The following MALRD1 variants were observed in gnomAD, a reference collection of about 807,000 sequenced individuals.
The protein encoded by MALRD1 is MAM and LDL-receptor class A domain-containing protein 1.
A neutral mutation model predicts 242.1 loss-of-function variants in MALRD1; 247 were observed. The ratio of observed to expected loss-of-function variants is 1.02; its 90% CI spans 0.92 to 1.13. MALRD1 has a LOEUF of 1.13. Ranked by LOEUF, MALRD1 falls within the 50% of genes most tolerant of loss-of-function variation. The pLI, the probability that MALRD1 is intolerant of heterozygous loss-of-function variation, is 0.00. For missense variants in MALRD1, 2,989 were observed against 2,533.1 expected (o/e 1.18, Z -3.86); for synonymous variants, 995 against 866.6 (o/e 1.15, Z -2.60).
intron 14 of MALRD1, among the ~76,000 whole-genome samples, chr10:19,187,054 A>G (rs1015056996): frequency 6.6e-6 from 1 of 152,210 alleles, no homozygotes; most frequent in African/African-American, 2.4e-5. Flanking sequence ...AGAGACACCT[A>G]AAAGACCACA....
intron 14 of MALRD1, among the ~76,000 whole-genome samples, chr10:19,186,336 T>C (rs1835736303): frequency 1.3e-5 from 2 of 152,204 alleles, no homozygotes; most frequent in Admixed American, 1.3e-4. Flanking sequence ...TCATCATTTC[T>C]GTGGCATGAA....
chr10:19,303,501 A>G (rs895472273), intron 21 of MALRD1, among the ~76,000 whole-genome samples: 1 of 151,800 alleles, frequency 6.6e-6, no homozygotes, highest in African/African-American at 2.4e-5. Flanking sequence ...CAGTAAATAC[A>G]TAGAATTAAT....
chr10:19,395,644 C>T (rs1004986197), intron 28 of MALRD1, among the ~76,000 whole-genome samples: 1 of 152,128 alleles, frequency 6.6e-6, no homozygotes, highest in African/African-American at 2.4e-5. Context: ...ATTTTCTTTT[C>T]ACAAAGGTGT....
At chr10:19,701,957 ATAAACT>A (rs1046611957) in intron 38 of MALRD1, among the ~76,000 whole-genome samples, 23 of 151,914 alleles carry the variant, frequency 1.5e-4, no homozygotes, top group Admixed American at 2.6e-4. Context: ...GAGTTGGACA[ATAAACT>A]TAAACTTCTC....
intron 26 of MALRD1, among the ~76,000 whole-genome samples, chr10:19,366,757 C>T (rs181644035): frequency 3.9e-4 from 59 of 152,114 alleles, no homozygotes; most frequent in Admixed American, 2.0e-3. Context: ...CTTGTAAGTA[C>T]CTGGAACTTT....
intron 21 of MALRD1, among the ~76,000 whole-genome samples, chr10:19,309,969 G>T (rs1040807108): frequency 1.7e-4 from 26 of 151,450 alleles, no homozygotes; most frequent in African/African-American, 6.0e-4. Context: ...CCATCCAAAA[G>T]AAAAGGCTTT....
At chr10:19,572,754 A>G (rs1319742152) in intron 33 of MALRD1, among the ~76,000 whole-genome samples, 2 of 152,172 alleles carry the variant, frequency 1.3e-5, no homozygotes, top group Non-Finnish European at 2.9e-5. Flanking sequence ...AAGAGGAGAA[A>G]ACACACAGAG....
chr10:19,403,356 A>G (rs1157743616), intron 28 of MALRD1, among the ~76,000 whole-genome samples: 12 of 152,288 alleles, frequency 7.9e-5, no homozygotes, highest in Non-Finnish European at 1.5e-5. Context: ...TTTTGCCATT[A>G]AAAATTCCAT....
chr10:19,138,586 A>G (rs1019127120), intron 10 of MALRD1, among the ~76,000 whole-genome samples: 2 of 151,764 alleles, frequency 1.3e-5, no homozygotes, highest in African/African-American at 4.8e-5. Context: ...ATACCCAGAT[A>G]ATTTTTGTAT....
rs548562557 is a variant in MALRD1 at position 19,680,432 on chromosome 10, G to A, written c.6138-11850G>A. The stretch of plus-strand genomic sequence containing the variant: ...TTTTTGATCTTTGTTGGTTTAAAGT[G>A]TGTTTTGCCAGAAACTAGGATTGCA... On this transcript the variant is annotated intron_variant, in intron 36 of 39. Transcript: ENST00000454679. Among the ~76,000 whole-genome samples the A allele has an allele frequency of 5.3e-5, 8 of 152,128 alleles. No individual in the cohort carries two copies. In the South Asian group the frequency reaches 1.7e-3, roughly 32 times the overall value.
chr10:19,697,436 C>G (rs1266815219), intron 38 of MALRD1, among the ~76,000 whole-genome samples: 1 of 147,932 alleles, frequency 6.8e-6, no homozygotes, highest in Non-Finnish European at 1.5e-5. Context: ...TTAAAGTCAA[C>G]TGATTATAAA....
chr10:19,343,310 T>C (rs10827291), intron 24 of MALRD1, among the ~76,000 whole-genome samples: 83,461 of 151,852 alleles, frequency 0.55, 23,180 homozygotes, highest in Middle Eastern at 0.58. Context: ...GTACCCTTCA[T>C]GCATTTTTCC....
At chr10:19,671,455 TA>T (rs1298883453) in intron 36 of MALRD1, among the ~76,000 whole-genome samples, 1 of 151,944 alleles carries the variant, frequency 6.6e-6, no homozygotes, top group African/African-American at 2.4e-5. Context: ...TCATCTCTAC[TA>T]AAAATATAAA....
intron 29 of MALRD1, among the ~76,000 whole-genome samples, chr10:19,453,968 T>C (rs889722940): frequency 1.3e-5 from 2 of 152,090 alleles, no homozygotes; most frequent in African/African-American, 4.8e-5. Flanking sequence ...GCAGGAGAAT[T>C]GCAAGAGGCT....
chr10:19,301,533 T>C (rs1299604812), intron 21 of MALRD1, among the ~76,000 whole-genome samples: 1 of 151,834 alleles, frequency 6.6e-6, no homozygotes, highest in Non-Finnish European at 1.5e-5. Flanking sequence ...TATGCAGCCA[T>C]AGAGAAGAAT....
At chr10:19,129,701 G>A (rs1268563492) in intron 8 of MALRD1, among the ~76,000 whole-genome samples, 2 of 150,026 alleles carry the variant, frequency 1.3e-5, no homozygotes, top group Admixed American at 6.7e-5. Context: ...AGAAACTGGA[G>A]ATGAATAAAT....
chr10:19,103,608 T>C (rs1836358039), intron 4 of MALRD1, among the ~76,000 whole-genome samples: 1 of 150,720 alleles, frequency 6.6e-6, no homozygotes, highest in Non-Finnish European at 1.5e-5. Flanking sequence ...TGGGACACAA[T>C]TGCAAAATGC....
intron 21 of MALRD1, among the ~76,000 whole-genome samples, chr10:19,323,620 CT>C (rs1193565328): frequency 6.6e-6 from 1 of 152,064 alleles, no homozygotes; most frequent in Non-Finnish European, 1.5e-5. Context: ...TATTCTTCTT[CT>C]TTTTGAGACG....
intron 24 of MALRD1, among the ~76,000 whole-genome samples, chr10:19,338,961 C>A (rs1175074423): frequency 4.8e-5 from 7 of 146,220 alleles, no homozygotes; most frequent in African/African-American, 7.9e-5. Context: ...TAGTTATATA[C>A]TATATATACA....
Sources: allele counts gnomAD v4.1 joint callset (sites outside exome capture counted in the v4.1 genomes callset), GRCh38; gene constraint gnomAD v4.1.1; transcripts MANE v1.5; gene names NCBI Gene and HGNC (gene_info 2026-07-23, HGNC 2026-07-21).